The following GRK4 variants were observed in gnomAD, a reference collection of about 807,000 sequenced individuals.
GRK4 encodes G protein-coupled receptor kinase 2-like.
Under a neutral mutation model 77.9 loss-of-function variants are expected in GRK4, and 73 were observed. The ratio of observed to expected loss-of-function variants is 0.94; its 90% confidence interval spans 0.78 to 1.14. The LOEUF (loss-of-function observed/expected upper bound fraction) is 1.14. Among genes scored for constraint, GRK4 ranks in the 50% most tolerant of loss-of-function variants. The probability of loss-of-function intolerance (pLI) is 0.00; values close to 1 mark genes in which losing one functional copy is unlikely to be tolerated. For synonymous variants in GRK4, 257 were observed against 254.4 expected (o/e 1.01, Z -0.10); for missense variants, 729 against 700.2 (o/e 1.04, Z -0.46).
intron 12 of GRK4, among the ~76,000 whole-genome samples, chr4:3,032,395 G>C (rs1312706493): frequency 6.6e-6 from 1 of 152,134 alleles, no homozygotes; most frequent in Non-Finnish European, 1.5e-5. Flanking sequence ...CTGCACTCCA[G>C]CCTGGCGACA....
At chr4:2,995,876 G>C (rs922076472) in intron 4 of GRK4, among the ~76,000 whole-genome samples, 1 of 152,046 alleles carries the variant, frequency 6.6e-6, no homozygotes, top group African/African-American at 2.4e-5. Context: ...CTGATCATTG[G>C]CTATATATTG....
At chr4:3,007,521 C>G (rs1731663399) in intron 5 of GRK4, among the ~76,000 whole-genome samples, 1 of 152,206 alleles carries the variant, frequency 6.6e-6, no homozygotes, top group Admixed American at 6.6e-5. Flanking sequence ...ATGCATCCTT[C>G]TATTTCACTG....
chr4:2,971,763 G>A (rs949528794), intron 1 of GRK4, among the ~76,000 whole-genome samples: 9 of 152,182 alleles, frequency 5.9e-5, no homozygotes, highest in African/African-American at 1.9e-4. Flanking sequence ...AGAATCTGTC[G>A]CAGGCCTCTC....
In GRK4 at chr4:3,040,715, T is replaced by C. The variant is rs1195750883; in HGVS notation, c.*90T>C. On this transcript the variant is annotated 3_prime_UTR_variant, in exon 16 of 16. Coordinates refer to ENST00000398052, the MANE Select transcript of GRK4 (RefSeq NM_182982.3). The stretch of plus-strand genomic sequence containing the variant: ...CCCACCTGGAATTGTAATAAATACA[T>C]CTAAATAAAACATGCCTTGGGAGTG... 2.8e-6 allele frequency: 3 copies of C among 1,081,492 alleles called. No homozygotes were observed. Among genetic ancestry groups the C allele is most frequent in the Non-Finnish European group, 4.2e-6 (3 of 721,244 alleles). The allele number at this position is 1,081,492 out of a possible 1,614,324, so 67.0% of individuals were successfully genotyped here. A position where few individuals can be genotyped will look rare whatever the true frequency, so the allele number is the denominator to read the frequency against.
At chr4:3,002,292 C>T (rs527555179) in intron 4 of GRK4, among the ~76,000 whole-genome samples, 5 of 152,122 alleles carry the variant, frequency 3.3e-5, no homozygotes, top group South Asian at 4.2e-4. Flanking sequence ...GCTCTATAGA[C>T]GTCAGCACAT....
In GRK4 at chr4:3,005,303, A is replaced by C. The variant is rs189986974; in HGVS notation, c.443+969A>C. Among the ~76,000 whole-genome samples, 23 of 152,102 alleles carry C rather than the reference A, an allele frequency of 1.5e-4. No homozygotes were observed. In the East Asian group the frequency reaches 4.5e-3, roughly 30 times the overall value. ...AAAGTTTATTCTTTGCTCTGAGAGC[A>C]AGCAGATGACATATGCATTGTGTTT... On this transcript the variant is annotated intron_variant, in intron 5 of 15. Transcript: ENST00000398052.
chr4:3,027,805 A>G (rs3733219), intron 10 of GRK4, 107 bp from the exon 11 acceptor site: 13,108 of 834,968 alleles, frequency 0.016, 426 homozygotes, highest in East Asian at 0.11. Flanking sequence ...ATGAAATGCT[A>G]TTATTTCCAG....
chr4:3,023,228 G>T (rs749735452), intron 10 of GRK4, among the ~76,000 whole-genome samples: 3 of 152,206 alleles, frequency 2.0e-5, no homozygotes, highest in Non-Finnish European at 2.9e-5. Flanking sequence ...CTTGTCTGCA[G>T]CATGGGTGCA....
At position 3,033,814 on chromosome 4, in the gene GRK4, TG is replaced by T. The variant is rs760040403; in HGVS notation, c.1270-1571del. 4.6e-5 allele frequency among the ~76,000 whole-genome samples: 7 copies of T among 152,334 alleles called. No individual in the cohort carries two copies. The South Asian group carries it at 1.4e-3, about 32-fold the overall frequency. On this transcript the variant is annotated intron_variant, in intron 12 of 15. Transcript: ENST00000398052. ...GTTGGCCAGGATGGTCTTGATCTCC[TG>T]ACCTCGTGATCCACCCACCTCGGCC... is the stretch of plus-strand genomic sequence containing the variant.
intron 1 of GRK4, among the ~76,000 whole-genome samples, chr4:2,967,883 C>T (rs370137123): frequency 5.3e-5 from 8 of 151,522 alleles, no homozygotes; most frequent in South Asian, 2.1e-4. Context: ...CTCTGCCTCC[C>T]GGGTTCAAGA....
chr4:2,976,072 A>C (rs1051238311), intron 1 of GRK4, among the ~76,000 whole-genome samples: 2 of 152,200 alleles, frequency 1.3e-5, no homozygotes, highest in African/African-American at 4.8e-5. Context: ...TAACTCTGAA[A>C]GGACTAGTCT....
intron 7 of GRK4, among the ~76,000 whole-genome samples, chr4:3,010,246 G>A (rs1732513303): frequency 6.6e-6 from 1 of 151,868 alleles, no homozygotes; most frequent in Non-Finnish European, 1.5e-5. Context: ...TTTGTTTTGA[G>A]ATGGAGTTTC....
intron 2 of GRK4, among the ~76,000 whole-genome samples, chr4:2,985,022 C>T (rs1723867193): frequency 6.6e-6 from 1 of 152,130 alleles, no homozygotes. Context: ...GTAAAAATTC[C>T]TCTCCCCATG....
chr4:2,992,400 C>A, intron 4 of GRK4, 108 bp downstream of exon 4: 2 of 713,262 alleles, frequency 2.8e-6, no homozygotes, highest in South Asian at 1.6e-5. Context: ...TTTAATTTGG[C>A]TGGGTGTGAT....
intron 15 of GRK4, chr4:3,038,995 C>G (rs1741642454): frequency 6.5e-6 from 1 of 153,746 alleles, no homozygotes; most frequent in African/African-American, 2.4e-5. Context: ...GCAGGTGGAT[C>G]ACCTGAGGTC....
intron 10 of GRK4, among the ~76,000 whole-genome samples, chr4:3,025,896 A>G (rs1355118253): frequency 1.3e-5 from 2 of 152,352 alleles, no homozygotes; most frequent in East Asian, 3.8e-4. Flanking sequence ...TAAATAAAGT[A>G]GTAGACCACA....
At chr4:3,012,613 G>C (rs1450913687) in intron 7 of GRK4, among the ~76,000 whole-genome samples, 2 of 152,180 alleles carry the variant, frequency 1.3e-5, no homozygotes, top group Non-Finnish European at 1.5e-5. Context: ...GTGTGCAGTG[G>C]ATGGGAGTTG....
chr4:2,988,177 C>G (rs1300611696), intron 2 of GRK4, among the ~76,000 whole-genome samples: 3 of 150,756 alleles, frequency 2.0e-5, no homozygotes, highest in Non-Finnish European at 3.0e-5. Flanking sequence ...CCCTGTGTTA[C>G]ATTCCCAGTA....
chr4:3,022,351 G>C, intron 9 of GRK4, 63 bp from the exon 10 acceptor site: 4 of 1,524,950 alleles, frequency 2.6e-6, no homozygotes, highest in Admixed American at 1.7e-5. Context: ...GTTCCTACTG[G>C]GTACTCAGGA....
Sources: allele counts gnomAD v4.1 joint callset (sites outside exome capture counted in the v4.1 genomes callset), GRCh38; gene constraint gnomAD v4.1.1; transcripts MANE v1.5; gene names NCBI Gene and HGNC (gene_info 2026-07-23, HGNC 2026-07-21).